GRK7: variants seen among roughly 807,000 people sequenced by gnomAD.
GRK7 encodes rhodopsin kinase GRK7.
Under a neutral mutation model 34.1 loss-of-function variants are expected in GRK7, and 24 were observed. That is an observed-to-expected ratio of 0.70 (90% CI 0.51 to 0.99). GRK7 has a LOEUF of 0.99. Ranked by LOEUF, GRK7 falls within the 50% of genes least tolerant of loss-of-function variation. GRK7 has a pLI of 0.00. For missense variants in GRK7, 644 were observed against 707.3 expected (o/e 0.91, Z 1.02); for synonymous variants, 256 against 279.4 (o/e 0.92, Z 0.84).
the GRK7 span, among the ~76,000 whole-genome samples, chr3:141,751,903 A>G: frequency 1.3e-5 from 2 of 152,186 alleles, no homozygotes; most frequent in African/African-American, 4.8e-5. Context: ...GATCCATTCT[A>G]TTTTCTCAGA....
chr3:141,775,401 A>AAAAAG (rs891961553), intron 2 of GRK7, among the ~76,000 whole-genome samples: 1 of 152,202 alleles, frequency 6.6e-6, no homozygotes, highest in Non-Finnish European at 1.5e-5. Flanking sequence ...CTGTCTAAAA[A>AAAAAG]AAAAGAAAAG....
At chr3:141,780,851 G>C (rs765364065) in intron 4 of GRK7, 40 bp downstream of exon 4, 2 of 1,561,040 alleles carry the variant, frequency 1.3e-6, no homozygotes, top group Non-Finnish European at 1.7e-6. Flanking sequence ...GGGGCACAGA[G>C]TTGGAAAGGA....
the GRK7 span, among the ~76,000 whole-genome samples, chr3:141,756,327 G>GGGA: frequency 2.0e-5 from 1 of 50,126 alleles, no homozygotes; most frequent in African/African-American, 1.1e-4. Context: ...GAAAAAAAAA[G>GGGA]GTGGGGGGGT....
intron 1 of GRK7, among the ~76,000 whole-genome samples, chr3:141,769,797 C>A (rs988055142): frequency 3.3e-5 from 5 of 152,212 alleles, no homozygotes; most frequent in African/African-American, 1.2e-4. Context: ...CTTTCAGCTC[C>A]CACGTGACAG....
At chr3:141,814,258 T>A (rs1047909387) in intron 5 of GRK7, among the ~76,000 whole-genome samples, 1 of 152,064 alleles carries the variant, frequency 6.6e-6, no homozygotes, top group African/African-American at 2.4e-5. Flanking sequence ...ATTCAGGGAG[T>A]ATATGTGCAG....
intron 2 of GRK7, among the ~76,000 whole-genome samples, chr3:141,777,481 A>C (rs1419268858): frequency 2.6e-5 from 3 of 113,798 alleles, no homozygotes; most frequent in East Asian, 4.8e-4. Flanking sequence ...CCCGCCATCA[A>C]GCCCGGCTAA....
At chr3:141,802,799 G>A (rs1298833734) in intron 4 of GRK7, among the ~76,000 whole-genome samples, 1 of 152,104 alleles carries the variant, frequency 6.6e-6, no homozygotes, top group African/African-American at 2.4e-5. Flanking sequence ...GGAAACGGGA[G>A]ATGGGAAGGA....
chr3:141,752,333 G>A, the GRK7 span, among the ~76,000 whole-genome samples: 13 of 152,102 alleles, frequency 8.5e-5, no homozygotes, highest in Non-Finnish European at 1.8e-4. Flanking sequence ...GACATTTGGC[G>A]ATGTCTGGAG....
chr3:141,808,078 C>T (rs1435097165), intron 5 of GRK7, among the ~76,000 whole-genome samples, 159 bp downstream of exon 5: 1 of 152,032 alleles, frequency 6.6e-6, no homozygotes, highest in African/African-American at 2.4e-5. Flanking sequence ...TACTTTCAAA[C>T]ACTATTAGCA....
At chr3:141,775,976 G>A (rs569617856) in intron 2 of GRK7, among the ~76,000 whole-genome samples, 2 of 152,078 alleles carry the variant, frequency 1.3e-5, no homozygotes, top group South Asian at 4.2e-4. Context: ...TTTCCCCAGT[G>A]ATAAGCTTAA....
intron 4 of GRK7, among the ~76,000 whole-genome samples, chr3:141,788,926 C>T (rs1290026259): frequency 2.0e-5 from 3 of 152,172 alleles, no homozygotes; most frequent in Non-Finnish European, 4.4e-5. Flanking sequence ...CTCTACCTCT[C>T]ACGTTCAAGC....
At chr3:141,761,645 G>C (rs1159101129), upstream of GRK7, among the ~76,000 whole-genome samples, 1 of 95,190 alleles carries the variant, frequency 1.1e-5, no homozygotes, top group Non-Finnish European at 2.1e-5. Flanking sequence ...TGTATTTCCT[G>C]AATCTGAACG....
intron 5 of GRK7, among the ~76,000 whole-genome samples, chr3:141,808,164 A>G (rs1711055980): frequency 6.6e-6 from 1 of 152,230 alleles, no homozygotes; most frequent in Non-Finnish European, 1.5e-5. Flanking sequence ...TTAAAAAAAG[A>G]AAAAAGAATA....
chr3:141,805,028 G>A (rs527415419), intron 4 of GRK7, among the ~76,000 whole-genome samples: 14 of 141,924 alleles, frequency 9.9e-5, no homozygotes, highest in African/African-American at 1.6e-4. Context: ...ACCCACACAC[G>A]CATACACCCA....
At position 141,765,624 on chromosome 3, in the gene GRK7, T is replaced by C. The variant is rs1335037648; in HGVS notation, c.-329T>C. ...GAAAACTGCTCTGAGGCCATCATGC[T>C]TTGAGGAAGCCCAGGAGGAAACACT... On this transcript the variant is annotated 5_prime_UTR_variant, in exon 1 of 6. Coordinates refer to ENST00000682958, the MANE Select transcript of GRK7 (RefSeq NM_139209.3). Among the ~76,000 whole-genome samples, 2 of 152,038 alleles carry C rather than the reference T, an allele frequency of 1.3e-5. No individual in the cohort carries two copies. Among genetic ancestry groups the C allele is most frequent in the East Asian group, 3.9e-4 (2 of 5,180 alleles).
chr3:141,813,083 A>T (rs1240240667), intron 5 of GRK7, among the ~76,000 whole-genome samples: 1 of 152,148 alleles, frequency 6.6e-6, no homozygotes, highest in Non-Finnish European at 1.5e-5. Flanking sequence ...TGTGTAAATT[A>T]TACCTCAATA....
intron 1 of GRK7, among the ~76,000 whole-genome samples, chr3:141,773,475 T>C (rs2084625839): frequency 1.3e-5 from 2 of 152,190 alleles, no homozygotes; most frequent in Admixed American, 6.5e-5. Flanking sequence ...TAAATTTTGA[T>C]GATTGATGGT....
intron 1 of GRK7, among the ~76,000 whole-genome samples, chr3:141,771,833 C>T (rs1247035463): frequency 6.6e-6 from 1 of 151,816 alleles, no homozygotes; most frequent in African/African-American, 2.4e-5. Context: ...TACAGGCACC[C>T]ACCACCATGC....
intron 4 of GRK7, among the ~76,000 whole-genome samples, chr3:141,785,094 T>C (rs1270848341): frequency 1.3e-5 from 2 of 152,160 alleles, no homozygotes; most frequent in African/African-American, 4.8e-5. Context: ...TACTCTGTCA[T>C]AAGCAACAGA....
Sources: gnomAD v4.1 joint callset for allele counts (sites outside exome capture counted in the v4.1 genomes callset) on GRCh38, gnomAD v4.1.1 for gene constraint, MANE v1.5 for transcripts, NCBI Gene and HGNC (gene_info 2026-07-23, HGNC 2026-07-21) for gene names.